LRRC63: variants seen among roughly 807,000 people sequenced by gnomAD.
The protein encoded by LRRC63 is leucine rich repeat containing 63, also known as leucine-rich repeat-containing protein 63.
In LRRC63, 40 loss-of-function variants were observed where a neutral mutation model predicts 49.5. The observed-to-expected ratio is 0.81, with a 90% CI of 0.63 to 1.05. The LOEUF (loss-of-function observed/expected upper bound fraction) is 1.05, where lower values mean the gene tolerates loss of function less well. Ranked by LOEUF, LRRC63 falls within the 50% of genes least tolerant of loss-of-function variation. LRRC63 has a pLI of 0.00. For missense variants in LRRC63, 636 were observed against 663.1 expected (o/e 0.96, Z 0.45); for synonymous variants, 191 against 221.1 (o/e 0.86, Z 1.21).
intron 8 of LRRC63, among the ~76,000 whole-genome samples, chr13:46,264,753 C>T (rs1250507726): frequency 6.6e-6 from 1 of 152,090 alleles, no homozygotes; most frequent in Non-Finnish European, 1.5e-5. Flanking sequence ...AGTCACATAA[C>T]ACCACTCAGA....
intron 9 of LRRC63, among the ~76,000 whole-genome samples, chr13:46,269,775 A>C (rs2047729661): frequency 6.7e-6 from 1 of 148,720 alleles, no homozygotes; most frequent in African/African-American, 2.4e-5. Flanking sequence ...GCAGTGCTTA[A>C]AATAGTTGAA....
At chr13:46,237,793 T>A (rs2046945386) in intron 5 of LRRC63, among the ~76,000 whole-genome samples, 2 of 151,950 alleles carry the variant, frequency 1.3e-5, no homozygotes, top group Non-Finnish European at 2.9e-5. Flanking sequence ...ATGAAGGGGA[T>A]TGTAAGAGAA....
intron 9 of LRRC63, among the ~76,000 whole-genome samples, chr13:46,275,492 GTC>G (rs2047822486): frequency 6.6e-6 from 1 of 151,842 alleles, no homozygotes. Context: ...TTTACTTTTT[GTC>G]TTTTTTATAA....
rs1407265658 is a variant in LRRC63, at chr13:46,212,506, A to G, written c.-34+247A>G. The stretch of plus-strand genomic sequence containing the variant: ...AAGCATAGTGGTTGAAAAACAAGCC[A>G]TTATAGAAAGAAAACAATTTGTTTG... On this transcript the variant is annotated intron_variant, in intron 1 of 9. Coordinates refer to ENST00000595396, the Ensembl canonical transcript of LRRC63. Among the ~76,000 whole-genome samples, 5 of 152,332 alleles carry G rather than the reference A, an allele frequency of 3.3e-5. No homozygotes were observed. In the East Asian group the frequency reaches 7.7e-4, roughly 23 times the overall value.
intron 7 of LRRC63, among the ~76,000 whole-genome samples, chr13:46,258,898 C>G (rs2047569665): frequency 6.7e-6 from 1 of 150,132 alleles, no homozygotes; most frequent in Non-Finnish European, 1.5e-5. Flanking sequence ...ACCTAAATTT[C>G]TAAAATAAAA....
intron 4 of LRRC63, among the ~76,000 whole-genome samples, chr13:46,231,002 A>C (rs1296975063): frequency 6.6e-6 from 1 of 152,230 alleles, no homozygotes; most frequent in African/African-American, 2.4e-5. Context: ...AAGGTGTAAC[A>C]TGGGTGACTT....
intron 7 of LRRC63, among the ~76,000 whole-genome samples, chr13:46,251,276 AT>A (rs1157605953): frequency 6.6e-6 from 1 of 151,922 alleles, no homozygotes; most frequent in African/African-American, 2.4e-5. Flanking sequence ...AAAATTGTAC[AT>A]TCATAAACAT....
rs563194678 is a variant in LRRC63, at chr13:46,235,627, A to T, written c.990+1278A>T. ...AAAATTATGGAATATGCAAAAAAAAATGCTTGTTCACAGAAGAAACTAACA... is the reference window on the plus strand; with the variant it reads ...AAAATTATGGAATATGCAAAAAAAATTGCTTGTTCACAGAAGAAACTAACA... On this transcript the variant is annotated intron_variant, in intron 5 of 9. Coordinates refer to ENST00000595396, the Ensembl canonical transcript of LRRC63. 1.4e-4 allele frequency among the ~76,000 whole-genome samples: 21 copies of T among 152,328 alleles called. No individual in the cohort carries two copies. The South Asian group carries it at 4.3e-3, about 32-fold the overall frequency.
At chr13:46,275,391 C>T (rs2047820632) in intron 9 of LRRC63, among the ~76,000 whole-genome samples, 1 of 152,044 alleles carries the variant, frequency 6.6e-6, no homozygotes, top group African/African-American at 2.4e-5. Context: ...TTTGAGAAAC[C>T]GCCATCCTCC....
intron 5 of LRRC63, among the ~76,000 whole-genome samples, chr13:46,243,395 C>T (rs1030545684): frequency 6.6e-6 from 1 of 152,104 alleles, no homozygotes; most frequent in East Asian, 1.9e-4. Context: ...AAAGTATTCA[C>T]ACAATAAGCA....
chr13:46,250,606 C>T (rs1434973570), intron 7 of LRRC63, 115 bp downstream of exon 7: 1 of 850,230 alleles, frequency 1.2e-6, no homozygotes, highest in South Asian at 1.9e-5. Flanking sequence ...AATTTGTATT[C>T]TATTCTAATT....
At chr13:46,217,818 A>G (rs886864628) in intron 2 of LRRC63, among the ~76,000 whole-genome samples, 1 of 152,106 alleles carries the variant, frequency 6.6e-6, no homozygotes, top group Non-Finnish European at 1.5e-5. Context: ...CTTCGTTCTC[A>G]TTGGTTTCAA....
At chr13:46,231,521 T>C (rs1368832566) in intron 4 of LRRC63, among the ~76,000 whole-genome samples, 1 of 152,026 alleles carries the variant, frequency 6.6e-6, no homozygotes, top group Non-Finnish European at 1.5e-5. Flanking sequence ...TTTTTTCTTT[T>C]TTTTTTTAGA....
At chr13:46,227,788 T>A in exon 3 of LRRC63, 1 of 1,550,426 alleles carries the variant, frequency 6.4e-7, no homozygotes. Context: ...ACTCGAATTT[T>A]TGGGAAACAA....
intron 9 of LRRC63, among the ~76,000 whole-genome samples, chr13:46,275,974 G>T (rs75723409): frequency 0.022 from 3,387 of 152,066 alleles, 127 homozygotes; most frequent in African/African-American, 0.077. Context: ...TTGTGAAATG[G>T]TATTTCTTTG....
chr13:46,228,562 T>C, intron 3 of LRRC63, 103 bp from the exon 4 acceptor site: 1 of 709,028 alleles, frequency 1.4e-6, no homozygotes, highest in East Asian at 2.7e-5. Context: ...TCATGGATAA[T>C]TGGAATCCAT....
chr13:46,265,533 A>G (rs1259838664), intron 8 of LRRC63, among the ~76,000 whole-genome samples: 1 of 152,156 alleles, frequency 6.6e-6, no homozygotes, highest in Non-Finnish European at 1.5e-5. Context: ...ATCTCACATG[A>G]CAGAAGGGGT....
chr13:46,250,573 T>A, intron 7 of LRRC63, 82 bp downstream of exon 7: 1 of 1,191,510 alleles, frequency 8.4e-7, no homozygotes, highest in South Asian at 1.6e-5. Flanking sequence ...TCAAAGCAGC[T>A]AGCAGCTTTT....
intron 7 of LRRC63, among the ~76,000 whole-genome samples, chr13:46,255,195 T>C (rs980430312): frequency 1.3e-5 from 2 of 152,116 alleles, no homozygotes; most frequent in African/African-American, 4.8e-5. Flanking sequence ...ATTGTGCTTA[T>C]ATAAGGTACC....
Sources: allele counts gnomAD v4.1 joint callset (sites outside exome capture counted in the v4.1 genomes callset), GRCh38; gene constraint gnomAD v4.1.1; transcripts MANE v1.5; gene names NCBI Gene and HGNC (gene_info 2026-07-23, HGNC 2026-07-21).